Variants in SLC8A1 observed in about 807,000 individuals in gnomAD.
SLC8A1 encodes the protein solute carrier family 8 member A1, also known as sodium/calcium exchanger 1.
Under a neutral mutation model 68.3 loss-of-function variants are expected in SLC8A1, and 18 were observed. That is an observed-to-expected ratio of 0.26 (90% confidence interval 0.18 to 0.39). SLC8A1 has a LOEUF of 0.39. SLC8A1 is among the 10% of genes least tolerant of loss of function. The pLI is 1.00. For missense variants in SLC8A1, 985 were observed against 1,156.7 expected (o/e 0.85, Z 2.15); for synonymous variants, 475 against 415.5 (o/e 1.14, Z -1.74).
chr2:40,463,650 G>A (rs894856826), intron 1 of SLC8A1, among the ~76,000 whole-genome samples: 1 of 151,980 alleles, frequency 6.6e-6, no homozygotes, highest in Non-Finnish European at 1.5e-5. Flanking sequence ...CTTGTCTGGG[G>A]TCTCCTGTGT....
intron 1 of SLC8A1, among the ~76,000 whole-genome samples, chr2:40,505,530 G>T (rs569920132): frequency 6.6e-6 from 1 of 151,900 alleles, no homozygotes; most frequent in African/African-American, 2.4e-5. Context: ...AAGTCACATT[G>T]GTGGAAAATG....
chr2:40,313,014 T>C (rs974395672), intron 2 of SLC8A1, among the ~76,000 whole-genome samples: 12 of 151,906 alleles, frequency 7.9e-5, no homozygotes, highest in Non-Finnish European at 1.2e-4. Flanking sequence ...ACTACGTATA[T>C]ACACACACAC....
chr2:40,343,181 G>A (rs777151100), intron 2 of SLC8A1, among the ~76,000 whole-genome samples: 1 of 152,066 alleles, frequency 6.6e-6, no homozygotes, highest in Non-Finnish European at 1.5e-5. Context: ...GTAACATATA[G>A]TACAGCCTCT....
intron 2 of SLC8A1, among the ~76,000 whole-genome samples, chr2:40,345,306 A>G (rs1668899804): frequency 1.3e-5 from 2 of 152,212 alleles, no homozygotes. Flanking sequence ...AGTAATAAAC[A>G]TGCTAGGAAA....
chr2:40,429,510 C>A (rs770390647), exon 2 of SLC8A1: 3 of 1,613,858 alleles, frequency 1.9e-6, no homozygotes, highest in South Asian at 2.2e-5. Flanking sequence ...ACTTGTAAAA[C>A]AGAAGTCTCC....
At chr2:40,239,772 C>T (rs2060958578) in intron 2 of SLC8A1, among the ~76,000 whole-genome samples, 1 of 152,134 alleles carries the variant, frequency 6.6e-6, no homozygotes, top group South Asian at 2.1e-4. Flanking sequence ...TTTTCATTCC[C>T]CACTTACATT....
chr2:40,174,352 C>G (rs1046444477), intron 4 of SLC8A1, among the ~76,000 whole-genome samples: 24 of 151,948 alleles, frequency 1.6e-4, no homozygotes, highest in Non-Finnish European at 1.6e-4. Flanking sequence ...GAGCTTGGAC[C>G]ACGGATCCAT....
Position 40,384,167 on chromosome 2 carries a change from G to A in SLC8A1, c.1808+44306C>T, listed in dbSNP as rs1032397928. Reference sequence around the variant, plus strand: ...GCTACTCAGGAGGCTGACACATGAAGATCACATGAATCCCAGGAGTTGGAG... The same window carrying A: ...GCTACTCAGGAGGCTGACACATGAAAATCACATGAATCCCAGGAGTTGGAG... On this transcript the variant is annotated intron_variant, in intron 2 of 7. Coordinates refer to ENST00000406785, the Ensembl canonical transcript of SLC8A1. Among the ~76,000 whole-genome samples, 10 of 151,924 alleles carry A rather than the reference G, an allele frequency of 6.6e-5. No homozygotes were observed. The South Asian group carries it at 1.2e-3, about 19-fold the overall frequency.
At chr2:40,496,295 G>T (rs1274941371) in intron 1 of SLC8A1, among the ~76,000 whole-genome samples, 1 of 152,102 alleles carries the variant, frequency 6.6e-6, no homozygotes, top group Admixed American at 6.6e-5. Context: ...CCAAATGGGT[G>T]GAGGAATCAA....
At chr2:40,413,337 G>C (rs1692771088) in intron 2 of SLC8A1, among the ~76,000 whole-genome samples, 2 of 152,026 alleles carry the variant, frequency 1.3e-5, no homozygotes, top group African/African-American at 2.4e-5. Flanking sequence ...CAATAGCAAA[G>C]ACTTGGAACT....
At chr2:40,189,377 G>A (rs2051310370) in intron 2 of SLC8A1, among the ~76,000 whole-genome samples, 1 of 152,224 alleles carries the variant, frequency 6.6e-6, no homozygotes, top group African/African-American at 2.4e-5. Context: ...CTGTAGTGCA[G>A]TGGTGCAATC....
At chr2:40,118,502 A>C (rs1293697866) in intron 7 of SLC8A1, 1 of 151,992 alleles carries the variant, frequency 6.6e-6, no homozygotes, top group East Asian at 1.9e-4. Flanking sequence ...TATCACAGAG[A>C]CTGGTGAGTA....
intron 2 of SLC8A1, among the ~76,000 whole-genome samples, chr2:40,277,085 CAAG>C (rs1251665562): frequency 6.6e-6 from 1 of 152,074 alleles, no homozygotes; most frequent in Non-Finnish European, 1.5e-5. Flanking sequence ...GTTCAAGGTG[CAAG>C]AATAGAGGAA....
At chr2:40,118,342 C>T (rs913298747) in intron 7 of SLC8A1, 1 of 152,220 alleles carries the variant, frequency 6.6e-6, no homozygotes, top group Admixed American at 6.5e-5. Flanking sequence ...TCCTTTCACT[C>T]AGAAACTTTG....
chr2:40,404,753 A>G (rs767771491), intron 2 of SLC8A1, among the ~76,000 whole-genome samples: 2 of 152,164 alleles, frequency 1.3e-5, no homozygotes, highest in Non-Finnish European at 2.9e-5. Context: ...TGAAATGCAT[A>G]ATTAACCAGA....
chr2:40,154,900 A>T (rs1401089778), intron 6 of SLC8A1, among the ~76,000 whole-genome samples: 1 of 152,146 alleles, frequency 6.6e-6, no homozygotes, highest in Non-Finnish European at 1.5e-5. Flanking sequence ...CCTTGGCTCA[A>T]GTGAGAAACT....
At chr2:40,369,070 C>T (rs955237111) in intron 2 of SLC8A1, among the ~76,000 whole-genome samples, 13 of 151,922 alleles carry the variant, frequency 8.6e-5, no homozygotes, top group African/African-American at 3.1e-4. Flanking sequence ...TGTAAAACCC[C>T]AAACTATAAA....
At chr2:40,300,933 T>A (rs988875476) in intron 2 of SLC8A1, among the ~76,000 whole-genome samples, 3 of 152,190 alleles carry the variant, frequency 2.0e-5, no homozygotes, top group African/African-American at 7.2e-5. Context: ...TTACTTGATA[T>A]TTAGTAATAA....
chr2:40,237,961 T>C (rs2060635271), intron 2 of SLC8A1, among the ~76,000 whole-genome samples: 1 of 151,754 alleles, frequency 6.6e-6, no homozygotes, highest in African/African-American at 2.4e-5. Context: ...AGTCTGCCCG[T>C]TCTCAGATCT....
Sources: gnomAD v4.1 joint callset for allele counts (sites outside exome capture counted in the v4.1 genomes callset) on GRCh38, gnomAD v4.1.1 for gene constraint, MANE v1.5 for transcripts, NCBI Gene and HGNC (gene_info 2026-07-23, HGNC 2026-07-21) for gene names.